PTPRD: variants seen among roughly 807,000 people sequenced by gnomAD.
The protein encoded by PTPRD is protein tyrosine phosphatase receptor type D.
A neutral mutation model predicts 214.5 loss-of-function variants in PTPRD; 34 were observed. That is an observed-to-expected ratio of 0.16 (90% confidence interval 0.12 to 0.21). PTPRD has a LOEUF of 0.21. Ranked by LOEUF, PTPRD falls within the 10% of genes least tolerant of loss-of-function variation. The probability of loss-of-function intolerance (pLI) is 1.00; values close to 1 mark genes in which losing one functional copy is unlikely to be tolerated. For missense variants in PTPRD, 2,545 were observed against 2,398.7 expected (o/e 1.06, Z -1.27); for synonymous variants, 1,128 against 845.7 (o/e 1.33, Z -5.79).
intron 9 of PTPRD, among the ~76,000 whole-genome samples, chr9:9,362,858 T>A (rs2056670021): frequency 6.6e-6 from 1 of 151,326 alleles, no homozygotes. Flanking sequence ...GAATTCACTT[T>A]TAAAAGAAAA....
intron 9 of PTPRD, among the ~76,000 whole-genome samples, chr9:9,324,980 T>C (rs1054896286): frequency 3.3e-5 from 5 of 152,224 alleles, no homozygotes; most frequent in African/African-American, 1.2e-4. Flanking sequence ...TTTGTCAGGT[T>C]TGTTAAAGAT....
chr9:8,878,289 A>G (rs1035929735), intron 11 of PTPRD, among the ~76,000 whole-genome samples: 1 of 152,120 alleles, frequency 6.6e-6, no homozygotes, highest in Non-Finnish European at 1.5e-5. Flanking sequence ...CACAGACAAT[A>G]CTTGGAGGGA....
At chr9:9,309,870 G>A (rs987109168) in intron 9 of PTPRD, among the ~76,000 whole-genome samples, 2 of 152,102 alleles carry the variant, frequency 1.3e-5, no homozygotes, top group Non-Finnish European at 2.9e-5. Flanking sequence ...AGTCAGCTCA[G>A]TTTTAATATG....
intron 6 of PTPRD, among the ~76,000 whole-genome samples, chr9:9,757,418 T>C (rs928684018): frequency 2.6e-5 from 4 of 152,150 alleles, no homozygotes; most frequent in Non-Finnish European, 4.4e-5. Flanking sequence ...CTGAAAACAC[T>C]AATTTTATGA....
At chr9:9,514,329 A>C (rs2096782621) in intron 8 of PTPRD, among the ~76,000 whole-genome samples, 2 of 152,098 alleles carry the variant, frequency 1.3e-5, no homozygotes, top group South Asian at 4.1e-4. Context: ...GGCATACAGG[A>C]ATACCTGAAT....
chr9:10,500,956 T>G (rs2043498906), intron 2 of PTPRD, among the ~76,000 whole-genome samples: 1 of 151,986 alleles, frequency 6.6e-6, no homozygotes. Flanking sequence ...ACACTTAGGT[T>G]GCTTACAAAC....
Position 9,660,879 on chromosome 9 carries a change from C to T in PTPRD, c.-287+73654G>A, listed in dbSNP as rs150151438. ...CAGAGCCTGAATCACTGGAAAGCTA[C>T]GCTGCCACCAATGCCAGGATTCATG... On this transcript the variant is annotated intron_variant, in intron 7 of 45. Transcript: ENST00000381196. Among the ~76,000 whole-genome samples, 381 of 152,078 alleles carry T rather than the reference C, an allele frequency of 2.5e-3. 2 individuals are homozygous for T. Among genetic ancestry groups the T allele is most frequent in the African/African-American group, 8.5e-3 (355 of 41,538 alleles).
At chr9:8,669,461 A>C (rs1010598895) in intron 12 of PTPRD, among the ~76,000 whole-genome samples, 1 of 152,120 alleles carries the variant, frequency 6.6e-6, no homozygotes, top group African/African-American at 2.4e-5. Context: ...AGGGAGAAGG[A>C]TGTGGGAAAT....
intron 7 of PTPRD, among the ~76,000 whole-genome samples, chr9:9,721,365 T>A (rs1484348545): frequency 6.6e-6 from 1 of 152,166 alleles, no homozygotes; most frequent in African/African-American, 2.4e-5. Flanking sequence ...GTATAAGGAC[T>A]ATACTATTTT....
At chr9:9,569,338 T>C (rs1200241637) in intron 8 of PTPRD, among the ~76,000 whole-genome samples, 1 of 151,692 alleles carries the variant, frequency 6.6e-6, no homozygotes, top group Non-Finnish European at 1.5e-5. Context: ...TACTTTAAAA[T>C]ATACATTTGA....
chr9:8,480,892 G>T (rs143994321), intron 30 of PTPRD, among the ~76,000 whole-genome samples: 3 of 152,274 alleles, frequency 2.0e-5, no homozygotes, highest in Admixed American at 6.5e-5. Flanking sequence ...TGTAACCCCA[G>T]CACTTTGGGA....
At chr9:10,302,169 C>T (rs1346401854) in intron 3 of PTPRD, among the ~76,000 whole-genome samples, 3 of 152,148 alleles carry the variant, frequency 2.0e-5, no homozygotes, top group South Asian at 2.1e-4. Flanking sequence ...CCAAACAAAG[C>T]TTCATAAGTG....
chr9:9,334,740 T>C (rs980250819), intron 9 of PTPRD, among the ~76,000 whole-genome samples: 15 of 151,924 alleles, frequency 9.9e-5, no homozygotes, highest in African/African-American at 3.6e-4. Flanking sequence ...CATATTAGTG[T>C]CTATTATTAT....
intron 4 of PTPRD, among the ~76,000 whole-genome samples, chr9:9,989,300 G>C (rs1472581210): frequency 6.6e-6 from 1 of 152,054 alleles, no homozygotes; most frequent in African/African-American, 2.4e-5. Flanking sequence ...TTTCCCACTT[G>C]AATGTTGCCT....
chr9:8,350,604 A>G (rs2075179636), intron 39 of PTPRD, among the ~76,000 whole-genome samples: 1 of 152,122 alleles, frequency 6.6e-6, no homozygotes, highest in South Asian at 2.1e-4. Flanking sequence ...AAAAATCAAC[A>G]TTTAACTTTA....
intron 11 of PTPRD, among the ~76,000 whole-genome samples, chr9:8,849,348 G>A (rs1202382545): frequency 2.0e-5 from 3 of 151,724 alleles, no homozygotes; most frequent in Non-Finnish European, 4.4e-5. Context: ...GATAATTTTT[G>A]TATTTTTAGC....
intron 3 of PTPRD, among the ~76,000 whole-genome samples, chr9:10,228,407 C>T (rs2099596418): frequency 6.6e-6 from 1 of 152,000 alleles, no homozygotes; most frequent in African/African-American, 2.4e-5. Flanking sequence ...ATTAGCCAGC[C>T]TTCAGGTTAA....
rs558188342 is a variant in PTPRD at position 9,339,379 on chromosome 9, G to A, written c.-203+58070C>T. On this transcript the variant is annotated intron_variant, in intron 9 of 45. Transcript: ENST00000381196. ...TGGGTGCCTGTAGTCCCAGCTACTCGGGAGGCTGAGGCAGGAGAATGGTGT... is the reference window on the plus strand; with the variant it reads ...TGGGTGCCTGTAGTCCCAGCTACTCAGGAGGCTGAGGCAGGAGAATGGTGT... 2.6e-5 allele frequency among the ~76,000 whole-genome samples: 4 copies of A among 151,854 alleles called. No homozygotes were observed. In the South Asian group the frequency reaches 6.2e-4, roughly 24 times the overall value.
intron 2 of PTPRD, among the ~76,000 whole-genome samples, chr9:10,548,078 C>T (rs1319956573): frequency 6.6e-6 from 1 of 151,966 alleles, no homozygotes; most frequent in Non-Finnish European, 1.5e-5. Context: ...CCTCTCACAG[C>T]TCTGAGACAG....
Sources: gnomAD v4.1 joint callset for allele counts (sites outside exome capture counted in the v4.1 genomes callset) on GRCh38, gnomAD v4.1.1 for gene constraint, MANE v1.5 for transcripts, NCBI Gene and HGNC (gene_info 2026-07-23, HGNC 2026-07-21) for gene names.